NCKAP5: variants seen among roughly 807,000 people sequenced by gnomAD.
The protein encoded by NCKAP5 is NCK associated protein 5.
In NCKAP5, 92 loss-of-function variants were observed where a neutral mutation model predicts 167.0. That is an observed-to-expected ratio of 0.55 (90% CI 0.47 to 0.66). The LOEUF is 0.66. Among genes scored for constraint, NCKAP5 ranks in the 30% least tolerant of loss-of-function variants. The pLI is 0.00. For missense variants in NCKAP5, 2,378 were observed against 2,315.0 expected, an observed-to-expected ratio of 1.03 and a Z score of -0.56; for synonymous variants, 891 against 877.4, an observed-to-expected ratio of 1.02 and a Z score of -0.27.
At chr2:133,426,460 CAT>C (rs1223109330) in intron 3 of NCKAP5, among the ~76,000 whole-genome samples, 1 of 134,136 alleles carries the variant, frequency 7.5e-6, no homozygotes, top group Non-Finnish European at 1.6e-5. Flanking sequence ...AAAAAAAAGA[CAT>C]AGAGGGGCTA....
At chr2:133,447,945 G>A (rs939631020) in intron 3 of NCKAP5, among the ~76,000 whole-genome samples, 6 of 152,126 alleles carry the variant, frequency 3.9e-5, no homozygotes, top group African/African-American at 1.2e-4. Context: ...CCACATGCAT[G>A]GGCCATTTCA....
intron 5 of NCKAP5, among the ~76,000 whole-genome samples, chr2:133,131,346 C>T (rs2082596683): frequency 6.6e-6 from 1 of 152,170 alleles, no homozygotes; most frequent in Admixed American, 6.5e-5. Context: ...TACAACTTAT[C>T]CCTCATCACT....
At chr2:133,405,818 C>A (rs1688390776) in intron 3 of NCKAP5, among the ~76,000 whole-genome samples, 1 of 152,202 alleles carries the variant, frequency 6.6e-6, no homozygotes, top group South Asian at 2.1e-4. Flanking sequence ...CTGGGTTATA[C>A]CCTGCACAAA....
At chr2:133,199,868 G>A (rs905536695) in intron 5 of NCKAP5, among the ~76,000 whole-genome samples, 1 of 151,676 alleles carries the variant, frequency 6.6e-6, no homozygotes, top group Non-Finnish European at 1.5e-5. Flanking sequence ...AGCAACTAAA[G>A]GAAGGAACTA....
chr2:133,077,485 G>A (rs1445166050), intron 6 of NCKAP5, among the ~76,000 whole-genome samples: 2 of 152,164 alleles, frequency 1.3e-5, no homozygotes, highest in Admixed American at 1.3e-4. Flanking sequence ...GTTCCAGATG[G>A]TGCCTCTTTG....
At chr2:132,990,563 A>T (rs1301597752) in intron 7 of NCKAP5, among the ~76,000 whole-genome samples, 1 of 152,212 alleles carries the variant, frequency 6.6e-6, no homozygotes, top group Non-Finnish European at 1.5e-5. Context: ...CAACTTCAGG[A>T]TCTCAAGATG....
chr2:133,582,779 G>C, the NCKAP5 span, among the ~76,000 whole-genome samples: 1 of 152,116 alleles, frequency 6.6e-6, no homozygotes, highest in African/African-American at 2.4e-5. Context: ...CCAGTTTCCT[G>C]GTCCAGTCAA....
chr2:132,963,367 GTCATTCAT>G (rs956872187), intron 8 of NCKAP5, among the ~76,000 whole-genome samples: 1 of 152,018 alleles, frequency 6.6e-6, no homozygotes, highest in African/African-American at 2.4e-5. Flanking sequence ...ATTTTGCTTA[GTCATTCAT>G]TCATTCATTC....
Position 132,687,714 on chromosome 2 carries a change from C to CAA in NCKAP5, c.5714-14410_5714-14409insTT, listed in dbSNP as rs1686135123. The stretch of plus-strand genomic sequence containing the variant: ...TGCTAAGCACGGACACCTACCTAAA[C>CAA]ACACACACACACACACACACACACA... On this transcript the variant is annotated intron_variant, in intron 19 of 19. Transcript: ENST00000409261. Among the ~76,000 whole-genome samples, 3 of 75,362 alleles carry CAA rather than the reference C, an allele frequency of 4.0e-5. No individual in the cohort carries two copies. The Admixed American group carries it at 4.3e-4, about 11-fold the overall frequency. The allele number at this position is 75,362 out of a possible 152,430, so 49.4% of individuals were successfully genotyped here. A position where few individuals can be genotyped will look rare whatever the true frequency, so the allele number is the denominator to read the frequency against.
At chr2:132,752,961 A>C (rs1680238708) in intron 16 of NCKAP5, among the ~76,000 whole-genome samples, 1 of 152,228 alleles carries the variant, frequency 6.6e-6, no homozygotes, top group South Asian at 2.1e-4. Context: ...GGAGAGGATT[A>C]GCCTTTTTGT....
intron 8 of NCKAP5, among the ~76,000 whole-genome samples, chr2:132,909,366 C>T (rs1694261631): frequency 6.6e-6 from 1 of 152,024 alleles, no homozygotes; most frequent in African/African-American, 2.4e-5. Flanking sequence ...TTATATCTAT[C>T]TATCTTATTT....
intron 6 of NCKAP5, among the ~76,000 whole-genome samples, chr2:133,003,628 AC>A (rs1319831197): frequency 6.6e-6 from 1 of 152,202 alleles, no homozygotes; most frequent in Non-Finnish European, 1.5e-5. Flanking sequence ...TGAAAACTGC[AC>A]TGAAACAGAA....
chr2:133,383,351 T>G (rs1686669990), intron 3 of NCKAP5, among the ~76,000 whole-genome samples: 2 of 152,186 alleles, frequency 1.3e-5, no homozygotes, highest in South Asian at 4.1e-4. Flanking sequence ...ATGCTGAGAA[T>G]GATGGTTTCC....
chr2:133,348,600 A>G (rs935477750), intron 3 of NCKAP5, among the ~76,000 whole-genome samples: 11 of 152,138 alleles, frequency 7.2e-5, no homozygotes, highest in African/African-American at 2.7e-4. Context: ...TCATACTACA[A>G]TTTATATGCT....
At chr2:133,614,887 G>T in the NCKAP5 span, among the ~76,000 whole-genome samples, 2 of 152,114 alleles carry the variant, frequency 1.3e-5, no homozygotes, top group South Asian at 4.2e-4. Flanking sequence ...AAATGTTAAG[G>T]GCAGCCAGAG....
intron 4 of NCKAP5, among the ~76,000 whole-genome samples, chr2:133,290,728 C>CTTTTTTTTTTTT (rs58758295): frequency 1.6e-4 from 14 of 89,324 alleles, no homozygotes; most frequent in Middle Eastern, 7.4e-3. Context: ...AGAATTTCTC[C>CTTTTTTTTTTTT]TTTTTTTTTT....
chr2:132,844,351 A>T (rs1458440749), intron 11 of NCKAP5, among the ~76,000 whole-genome samples: 1 of 152,192 alleles, frequency 6.6e-6, no homozygotes, highest in African/African-American at 2.4e-5. Flanking sequence ...GAATTCTACA[A>T]GAAAGATAAA....
At chr2:132,856,343 A>G (rs1465833973) in intron 11 of NCKAP5, among the ~76,000 whole-genome samples, 6 of 152,076 alleles carry the variant, frequency 3.9e-5, no homozygotes, top group Admixed American at 1.3e-4. Flanking sequence ...AGAGAAAAAA[A>G]AAGCGGAACA....
At chr2:133,624,590 C>A in the NCKAP5 span, among the ~76,000 whole-genome samples, 6 of 152,080 alleles carry the variant, frequency 3.9e-5, no homozygotes, top group Non-Finnish European at 4.4e-5. Context: ...TTAAAAGGCT[C>A]AAAATAGCAG....
Sources: gnomAD v4.1 joint callset for allele counts (sites outside exome capture counted in the v4.1 genomes callset) on GRCh38, gnomAD v4.1.1 for gene constraint, MANE v1.5 for transcripts, NCBI Gene and HGNC (gene_info 2026-07-23, HGNC 2026-07-21) for gene names.